Variants in IL7 observed in about 807,000 individuals in gnomAD.
IL7 encodes the protein interleukin-7.
Under a neutral mutation model 21.6 loss-of-function variants are expected in IL7, and 3 were observed. The observed-to-expected ratio is 0.14, with a 90% CI of 0.06 to 0.36. The LOEUF is 0.36. Ranked by LOEUF, IL7 falls within the 10% of genes least tolerant of loss-of-function variation. The pLI, the probability that IL7 is intolerant of heterozygous loss-of-function variation, is 1.00. For missense variants in IL7, 175 were observed against 200.2 expected (o/e 0.87, Z 0.76); for synonymous variants, 62 against 68.1 (o/e 0.91, Z 0.44).
At chr8:78,677,281 G>T (rs1424770863) in intron 4 of IL7, among the ~76,000 whole-genome samples, 3 of 152,086 alleles carry the variant, frequency 2.0e-5, no homozygotes, top group East Asian at 3.9e-4. Context: ...CTTATTGGAG[G>T]TCATTTAAGA....
chr8:78,797,406 A>G (rs1364338921), intron 2 of IL7, among the ~76,000 whole-genome samples: 1 of 152,018 alleles, frequency 6.6e-6, no homozygotes, highest in Non-Finnish European at 1.5e-5. Flanking sequence ...GCACTTATGT[A>G]ATGTATCAAT....
intron 3 of IL7, among the ~76,000 whole-genome samples, chr8:78,709,624 G>T (rs1810891253): frequency 6.6e-6 from 1 of 151,940 alleles, no homozygotes; most frequent in African/African-American, 2.4e-5. Flanking sequence ...AGAGCAGGGG[G>T]GTGTTCAATC....
chr8:78,746,458 A>G (rs1811980726), intron 2 of IL7, among the ~76,000 whole-genome samples: 1 of 152,224 alleles, frequency 6.6e-6, no homozygotes, highest in Admixed American at 6.5e-5. Flanking sequence ...CTTTCCCCCA[A>G]GTATCAATGT....
At chr8:78,760,538 C>T (rs1161565998) in intron 2 of IL7, 1 of 1,541,452 alleles carries the variant, frequency 6.5e-7, no homozygotes, top group African/African-American at 1.4e-5. Flanking sequence ...GGGTAAGTCA[C>T]TTCTATACAT....
intron 2 of IL7, among the ~76,000 whole-genome samples, chr8:78,755,795 T>C (rs1396884074): frequency 6.6e-6 from 1 of 152,084 alleles, no homozygotes; most frequent in Non-Finnish European, 1.5e-5. Flanking sequence ...ATTGACTTCT[T>C]CTTTTCTAAC....
chr8:78,779,803 G>GA (rs889345527), intron 2 of IL7, among the ~76,000 whole-genome samples: 13 of 152,034 alleles, frequency 8.6e-5, no homozygotes, highest in African/African-American at 2.4e-4. Flanking sequence ...AATAATTTCA[G>GA]AAAAAATGGT....
intron 3 of IL7, among the ~76,000 whole-genome samples, chr8:78,702,668 C>T (rs1313594762): frequency 2.0e-5 from 3 of 152,116 alleles, no homozygotes; most frequent in African/African-American, 2.4e-5. Context: ...TTTCTTTGTA[C>T]TCTAAGTTTC....
At chr8:78,692,290 T>C (rs1810236990) in intron 3 of IL7, among the ~76,000 whole-genome samples, 1 of 152,192 alleles carries the variant, frequency 6.6e-6, no homozygotes, top group Non-Finnish European at 1.5e-5. Flanking sequence ...GTACATGTGG[T>C]ATTCACATGC....
chr8:78,754,186 C>T (rs1481180237), intron 2 of IL7, among the ~76,000 whole-genome samples: 6 of 151,314 alleles, frequency 4.0e-5, no homozygotes. Context: ...AGCTGATAAG[C>T]AACTTCAGCA....
exon 5 of IL7, chr8:78,675,773 C>T (rs867344586): frequency 3.8e-6 from 6 of 1,584,306 alleles, no homozygotes; most frequent in Admixed American, 1.7e-5. Flanking sequence ...TTATTAAATT[C>T]CTTCCTGTTT....
chr8:78,720,576 T>C (rs1811219294), intron 5 of IL7, among the ~76,000 whole-genome samples: 1 of 151,858 alleles, frequency 6.6e-6, no homozygotes, highest in African/African-American at 2.4e-5. Flanking sequence ...CTCAGCAATA[T>C]ACATATGATT....
At chr8:78,774,051 G>A (rs1199266826) in intron 2 of IL7, among the ~76,000 whole-genome samples, 2 of 151,810 alleles carry the variant, frequency 1.3e-5, no homozygotes, top group Non-Finnish European at 1.5e-5. Flanking sequence ...TATTAATCAT[G>A]TTCTACATTT....
At chr8:78,729,484 G>C (rs139351643), downstream of IL7, among the ~76,000 whole-genome samples, 1 of 151,942 alleles carries the variant, frequency 6.6e-6, no homozygotes, top group Non-Finnish European at 1.5e-5. Context: ...AATTTACCCC[G>C]AGTGAAAGTA....
chr8:78,788,198 G>T (rs1813573029), intron 2 of IL7, among the ~76,000 whole-genome samples: 1 of 152,016 alleles, frequency 6.6e-6, no homozygotes. Flanking sequence ...TCTTTTCAAA[G>T]AACCAGTTTT....
At chr8:78,678,075 T>G (rs752419798) in intron 4 of IL7, among the ~76,000 whole-genome samples, 29 of 152,144 alleles carry the variant, frequency 1.9e-4, no homozygotes, top group African/African-American at 6.5e-4. Flanking sequence ...CATTTTTGTT[T>G]TGGTGGGTTT....
intron 5 of IL7, among the ~76,000 whole-genome samples, chr8:78,735,073 T>C (rs946905486): frequency 9.2e-5 from 14 of 152,074 alleles, no homozygotes; most frequent in Non-Finnish European, 2.9e-5. Context: ...AGGCAAACTT[T>C]TCATATTGTT....
At chr8:78,703,924 T>C (rs1810687209) in intron 3 of IL7, among the ~76,000 whole-genome samples, 1 of 152,212 alleles carries the variant, frequency 6.6e-6, no homozygotes, top group Admixed American at 6.5e-5. Context: ...CTCGTAATTG[T>C]CTTTTCTTTC....
rs1813917947 is a variant in IL7, at chr8:78,798,005, T to C, written c.147+67A>G. On this transcript the variant is annotated intron_variant, in intron 2 of 5. Coordinates refer to ENST00000263851, the MANE Select transcript of IL7 (RefSeq NM_000880.4). Reference sequence around the variant, plus strand: ...AAAGATGAATACTTGATTATAAAACTGCATACCAAAAAGGTTCAAATTTTC... The same window carrying C: ...AAAGATGAATACTTGATTATAAAACCGCATACCAAAAAGGTTCAAATTTTC... The C allele has an allele frequency of 1.0e-5, 13 of 1,271,960 alleles. No individual in the cohort carries two copies. The South Asian group carries it at 1.9e-4, about 18-fold the overall frequency. 78.8% of individuals were successfully genotyped at this position (1,271,960 alleles called of 1,614,324 possible).
At chr8:78,778,990 A>G (rs1025089800) in intron 2 of IL7, among the ~76,000 whole-genome samples, 1 of 151,962 alleles carries the variant, frequency 6.6e-6, no homozygotes, top group Non-Finnish European at 1.5e-5. Context: ...TAAGTATTTT[A>G]TCCTCTTTTT....
Sources: gnomAD v4.1 joint callset for allele counts (sites outside exome capture counted in the v4.1 genomes callset) on GRCh38, gnomAD v4.1.1 for gene constraint, MANE v1.5 for transcripts, NCBI Gene and HGNC (gene_info 2026-07-23, HGNC 2026-07-21) for gene names.